The following TPRX2 variants were observed in gnomAD, a reference collection of about 807,000 sequenced individuals.
TPRX2 encodes the protein tetrapeptide repeat homeobox 2, also known as tetrapeptide repeat homeobox protein 2.
chr19:47,859,854 G>A, the TPRX2 span, among the ~76,000 whole-genome samples: 7 of 151,002 alleles, frequency 4.6e-5, no homozygotes, highest in Admixed American at 2.6e-4. Context: ...GGCTGAGCAG[G>A]CCTGAGGCAG....
the TPRX2 span, chr19:47,861,039 C>G: frequency 2.3e-6 from 2 of 859,528 alleles, no homozygotes; most frequent in East Asian, 2.6e-5. Flanking sequence ...CAGCCTCCCC[C>G]GGACCTGGGG....
the TPRX2 span, chr19:47,860,374 C>T: frequency 1.3e-5 from 9 of 668,260 alleles, no homozygotes; most frequent in African/African-American, 1.9e-5. Flanking sequence ...GCCCGACCAC[C>T]TCCCGCCCTG....
At chr19:47,860,062 G>T in the TPRX2 span, 169 of 1,396,474 alleles carry the variant, frequency 1.2e-4, no homozygotes, top group Middle Eastern at 2.1e-3. Context: ...TCCCTAGGGG[G>T]GCTGGGGGCT....
the TPRX2 span, among the ~76,000 whole-genome samples, chr19:47,859,390 C>A: frequency 6.7e-6 from 1 of 150,372 alleles, no homozygotes; most frequent in Non-Finnish European, 1.5e-5. Context: ...GTCCTGCAGA[C>A]GGGGGAGAAC....
the TPRX2 span, chr19:47,860,398 C>A: frequency 4.4e-4 from 298 of 676,782 alleles, 5 homozygotes; most frequent in Admixed American, 1.2e-4. Flanking sequence ...CGCAAGGGGT[C>A]CCGCCAGTGT....
the TPRX2 span, chr19:47,860,912 C>T: frequency 3.3e-6 from 5 of 1,529,660 alleles, no homozygotes; most frequent in Admixed American, 3.9e-5. Flanking sequence ...CGCCCCTAGT[C>T]CCTGTAGCCG....
At chr19:47,861,326 G>A in the TPRX2 span, 1 of 476,830 alleles carries the variant, frequency 2.1e-6, no homozygotes, top group South Asian at 1.5e-5. Context: ...GCGCCTTGTG[G>A]CCTCAGAGCC....
the TPRX2 span, chr19:47,861,110 A>T: frequency 1.4e-6 from 1 of 704,558 alleles, no homozygotes; most frequent in Non-Finnish European, 2.6e-6. Flanking sequence ...GCCCTGGCCC[A>T]ATCCCAGCCC....
the TPRX2 span, among the ~76,000 whole-genome samples, chr19:47,859,606 C>T: frequency 4.1e-5 from 6 of 146,688 alleles, no homozygotes; most frequent in Admixed American, 3.4e-4. Flanking sequence ...CCCAGCTACT[C>T]GGGAGACTAA....
chr19:47,860,589 G>C, the TPRX2 span, among the ~76,000 whole-genome samples: 981 of 150,668 alleles, frequency 6.5e-3, 6 homozygotes, highest in African/African-American at 0.02. Context: ...CGGCAGACCC[G>C]GCTCCTCCCC....
the TPRX2 span, chr19:47,860,656 C>T: frequency 9.2e-6 from 7 of 758,760 alleles, no homozygotes; most frequent in Non-Finnish European, 1.4e-5. Flanking sequence ...CTTCTCCAGG[C>T]CTGGGAGCCG....
chr19:47,861,270 C>G, the TPRX2 span: 1 of 511,324 alleles, frequency 2.0e-6, no homozygotes, highest in Non-Finnish European at 3.8e-6. Context: ...AGTCCTAGGC[C>G]GAACCCTGAT....
the TPRX2 span, chr19:47,861,061 G>A: frequency 2.5e-5 from 19 of 763,688 alleles, no homozygotes; most frequent in Non-Finnish European, 4.1e-5. Flanking sequence ...GGCCCTGAGT[G>A]TGGAACACAG....
chr19:47,860,733 C>T, the TPRX2 span: 1 of 1,478,192 alleles, frequency 6.8e-7, no homozygotes. Context: ...CGGCGCCGCC[C>T]CCGAGCGGCT....
the TPRX2 span, chr19:47,861,317 C>T: frequency 6.2e-5 from 30 of 480,668 alleles, no homozygotes; most frequent in East Asian, 1.4e-3. Context: ...CAGCCCCAGG[C>T]GCCTTGTGGC....
chr19:47,859,912 AGCTGTTATCGC>A, the TPRX2 span, among the ~76,000 whole-genome samples: 1 of 149,672 alleles, frequency 6.7e-6, no homozygotes, highest in Non-Finnish European at 1.5e-5. Flanking sequence ...CCTTCCCAGG[AGCTGTTATCGC>A]GCCCATTTCC....
the TPRX2 span, among the ~76,000 whole-genome samples, chr19:47,859,380 G>C: frequency 6.6e-6 from 1 of 150,628 alleles, no homozygotes; most frequent in African/African-American, 2.5e-5. Flanking sequence ...GCGGCTTCCT[G>C]TCCTGCAGAC....
chr19:47,860,133 C>A, the TPRX2 span: 497,335 of 1,335,812 alleles, frequency 0.37, 56,018 homozygotes, highest in East Asian at 0.63. Context: ...GGCCCTGGAC[C>A]CTCCAAGGAG....
At chr19:47,859,798 G>A in the TPRX2 span, among the ~76,000 whole-genome samples, 6 of 151,042 alleles carry the variant, frequency 4.0e-5, no homozygotes, top group Non-Finnish European at 8.9e-5. Flanking sequence ...GCAAGTGTCA[G>A]GGTCCCTATA....
Sources: allele counts gnomAD v4.1 joint callset (sites outside exome capture counted in the v4.1 genomes callset), GRCh38; gene constraint gnomAD v4.1.1; transcripts MANE v1.5; gene names NCBI Gene and HGNC (gene_info 2026-07-23, HGNC 2026-07-21).